SSH2: variants seen among roughly 807,000 people sequenced by gnomAD.
SSH2 encodes protein phosphatase Slingshot homolog 2.
SSH2 carries 37 observed loss-of-function variants against 135.2 expected under a neutral mutation model. The ratio of observed to expected loss-of-function variants is 0.27; its 90% CI spans 0.21 to 0.36. The LOEUF (loss-of-function observed/expected upper bound fraction) is 0.36. SSH2 is among the 10% of genes least tolerant of loss of function. SSH2 has a pLI of 1.00. For missense variants in SSH2, 1,408 were observed against 1,765.3 expected (o/e 0.80, Z 3.63); for synonymous variants, 628 against 646.2 (o/e 0.97, Z 0.43).
At chr17:29,761,443 G>C (rs985358008) in intron 3 of SSH2, 2 of 996,842 alleles carry the variant, frequency 2.0e-6, no homozygotes, top group South Asian at 8.6e-5. Flanking sequence ...GACGGGCGTC[G>C]CCAGCAGTTC....
At chr17:29,859,836 A>G (rs550121521) in intron 1 of SSH2, among the ~76,000 whole-genome samples, 2 of 152,006 alleles carry the variant, frequency 1.3e-5, no homozygotes, top group East Asian at 3.9e-4. Context: ...GTCGAATGGT[A>G]GCTCTGTTTT....
At chr17:29,647,524 A>G (rs1340773680) in intron 14 of SSH2, among the ~76,000 whole-genome samples, 1 of 151,368 alleles carries the variant, frequency 6.6e-6, no homozygotes, top group Non-Finnish European at 1.5e-5. Flanking sequence ...AATATTTAGT[A>G]TTTCCATCCT....
intron 3 of SSH2, among the ~76,000 whole-genome samples, chr17:29,716,940 A>T (rs985366964): frequency 6.6e-6 from 1 of 152,022 alleles, no homozygotes; most frequent in Non-Finnish European, 1.5e-5. Context: ...TTCATTTAAT[A>T]CCTAATGTGT....
chr17:29,743,739 T>C (rs989243920), intron 3 of SSH2, among the ~76,000 whole-genome samples: 13 of 152,184 alleles, frequency 8.5e-5, no homozygotes, highest in African/African-American at 3.1e-4. Flanking sequence ...AACTAGCTAG[T>C]CTACTACATT....
chr17:29,812,328 G>A (rs2042458389), intron 2 of SSH2, among the ~76,000 whole-genome samples: 1 of 151,882 alleles, frequency 6.6e-6, no homozygotes, highest in African/African-American at 2.4e-5. Flanking sequence ...TTGTTGCCCA[G>A]GTTGGGGTGC....
chr17:29,703,869 G>A (rs1477187077), intron 3 of SSH2, among the ~76,000 whole-genome samples: 2 of 152,200 alleles, frequency 1.3e-5, no homozygotes, highest in African/African-American at 4.8e-5. Flanking sequence ...GTGAGCCACT[G>A]CGCCCAGCCA....
At chr17:29,757,777 A>T (rs562811633) in intron 3 of SSH2, among the ~76,000 whole-genome samples, 1 of 9,920 alleles carries the variant, frequency 1.0e-4, no homozygotes, top group South Asian at 3.2e-3. Context: ...ACCCAGTGGC[A>T]GGGGTGGGGG....
intron 4 of SSH2, among the ~76,000 whole-genome samples, chr17:29,702,528 G>A (rs1394977037): frequency 2.6e-5 from 4 of 152,018 alleles, no homozygotes; most frequent in Non-Finnish European, 5.9e-5. Flanking sequence ...GGTGGCGGGC[G>A]CCTGTAGTCC....
chr17:29,628,606 T>C lies in SSH2; in HGVS notation c.*2235A>G, dbSNP rs2035566806. The C allele has an allele frequency of 6.6e-6, 1 of 152,154 alleles. No homozygotes were observed. The highest frequency in any genetic ancestry group is 2.4e-5 in the African/African-American group (1 of 41,442). The allele number at this position is 152,154 out of a possible 1,614,324, so 9.4% of individuals were successfully genotyped here. Reference sequence around the variant, plus strand: ...CTTCAAGAAGGCAGGGTATTCTACATGGAAGAGCTCTGGAAATCCATAACC... The same window carrying C: ...CTTCAAGAAGGCAGGGTATTCTACACGGAAGAGCTCTGGAAATCCATAACC... On this transcript the variant is annotated 3_prime_UTR_variant, in exon 16 of 16. Transcript: ENST00000540801.
Position 29,838,071 on chromosome 17 carries a change from G to C in SSH2, c.144+10778C>G, listed in dbSNP as rs147515861. Among the ~76,000 whole-genome samples, 46 of 152,334 alleles carry C rather than the reference G, an allele frequency of 3.0e-4. No individual in the cohort carries two copies. The East Asian group carries it at 7.5e-3, about 25-fold the overall frequency. On this transcript the variant is annotated intron_variant, in intron 2 of 15. Transcript: ENST00000540801. The stretch of plus-strand genomic sequence containing the variant: ...TCTATACTTTTGAGGGCCCAGGAAG[G>C]TCCCTCCTTCCCCAGCAGGCTTGGA...
chr17:29,686,060 C>T (rs536081058), intron 5 of SSH2, among the ~76,000 whole-genome samples: 2 of 151,984 alleles, frequency 1.3e-5, no homozygotes, highest in Non-Finnish European at 2.9e-5. Context: ...GTTGGTCAGG[C>T]TGGTCTCAAA....
Position 29,736,815 on chromosome 17 carries a change from AT to A in SSH2, c.189-33754del, listed in dbSNP as rs1427985346. Among the ~76,000 whole-genome samples the A allele has an allele frequency of 8.9e-3, 1,044 of 117,348 alleles. 158 individuals are homozygous for A. Among genetic ancestry groups the A allele is most frequent in the African/African-American group, 0.036 (987 of 27,148 alleles). The allele number at this position is 117,348 out of a possible 152,430, so 77.0% of individuals were successfully genotyped here. On this transcript the variant is annotated intron_variant, in intron 3 of 15. Transcript: ENST00000540801. ...AAAAAAAAAAAAAAAAAAAAAAAAA[AT>A]GGGCCGGGCATGGTGGCTCACGCCT...
chr17:29,813,550 G>A (rs1232698187), intron 2 of SSH2, among the ~76,000 whole-genome samples: 1 of 152,156 alleles, frequency 6.6e-6, no homozygotes, highest in Non-Finnish European at 1.5e-5. Flanking sequence ...GGGCACGGTG[G>A]CTCACGCCTG....
chr17:29,893,045 T>C (rs2066378652), intron 1 of SSH2, among the ~76,000 whole-genome samples: 1 of 152,132 alleles, frequency 6.6e-6, no homozygotes, highest in Admixed American at 6.6e-5. Flanking sequence ...TCTAACCTGC[T>C]GCAACTGGTC....
At chr17:29,794,872 TTATAC>T (rs2042131022) in intron 2 of SSH2, among the ~76,000 whole-genome samples, 1 of 152,222 alleles carries the variant, frequency 6.6e-6, no homozygotes. Flanking sequence ...TGTTATGATA[TTATAC>T]TGATCTTCAC....
At chr17:29,645,000 T>C (rs1031029184) in intron 14 of SSH2, 1 of 152,254 alleles carries the variant, frequency 6.6e-6, no homozygotes, top group East Asian at 1.9e-4. Context: ...ACACTTCCCA[T>C]TTCAGTTTTG....
chr17:29,677,752 A>G lies in SSH2; in HGVS notation c.480-11T>C. On this transcript the variant is annotated splice_polypyrimidine_tract_variant and intron_variant, in intron 6 of 15. Transcript: ENST00000540801. ...ATGGTACAAGTGCTACTGCAAGACA[A>G]GAAGTAGTCCAATAGTTACTCCCCA... is the stretch of plus-strand genomic sequence containing the variant. 1 of 1,611,124 alleles carries G rather than the reference A, an allele frequency of 6.2e-7. No individual in the cohort carries two copies. The highest frequency in any genetic ancestry group is 8.5e-7 in the Non-Finnish European group (1 of 1,177,196).
chr17:29,631,230 T>G lies in SSH2; in HGVS notation c.3964A>C (p.Thr1322Pro), dbSNP rs750883933. The part of the protein sequence containing the change: ...HLKLLQPFLR[T>P]DSGMHAMEDQ... ...TCCATCGCGTGCATGCCTGAGTCTGTTCTGAGGAAAGGCTGAAGCAGTTTG... is the reference window on the plus strand; with the variant it reads ...TCCATCGCGTGCATGCCTGAGTCTGGTCTGAGGAAAGGCTGAAGCAGTTTG... The change falls in exon 16 of 16, where the codon ACA (threonine) becomes CCA (proline). Residue 1322 changes from threonine (T) to proline (P), a missense_variant. Physicochemically the swap from Thr to Pro is conservative, Grantham distance 38. This residue lies in a region of SSH2 where 1,080 missense variants were observed against 1,144.5 expected (regional missense o/e 0.94). Transcript: ENST00000540801. The G allele has an allele frequency of 6.2e-7, 1 of 1,614,036 alleles. No homozygotes were observed.
In SSH2 at chr17:29,632,360, G is replaced by A. The variant is rs768819292; in HGVS notation, c.2834C>T (p.Pro945Leu). The change falls in exon 16 of 16, where the codon CCC becomes CTC. Residue 945 changes from proline to leucine, a missense_variant. Pro to Leu is a moderately conservative substitution (Grantham distance 98). Transcript: ENST00000540801. Reference sequence around the variant, plus strand: ...CTTGAGGACAAATGAATGTTCTGGGGGGGCTTCATCACTTTTCCCTTTTGG... The same window carrying A: ...CTTGAGGACAAATGAATGTTCTGGGAGGGCTTCATCACTTTTCCCTTTTGG... Reference protein sequence around the residue: ...LAPKGKSDEAPPEHSFVLKEP... With the variant: ...LAPKGKSDEALPEHSFVLKEP... 1 of 1,614,004 alleles carries A rather than the reference G, an allele frequency of 6.2e-7. No homozygotes were observed. Among genetic ancestry groups the A allele is most frequent in the Non-Finnish European group, 8.5e-7 (1 of 1,179,920 alleles).
Sources: gnomAD v4.1 joint callset for allele counts (sites outside exome capture counted in the v4.1 genomes callset) on GRCh38, gnomAD v4.1.1 for gene constraint, gnomAD v4.1.1 regional missense constraint, MANE v1.5 for transcripts, NCBI Gene and HGNC (gene_info 2026-07-23, HGNC 2026-07-21) for gene names.